IGSF11: variants seen among roughly 807,000 people sequenced by gnomAD.
IGSF11 encodes immunoglobulin superfamily member 11, also known as CXADR like 1.
IGSF11 carries 22 observed loss-of-function variants against 41.0 expected under a neutral mutation model. That is an observed-to-expected ratio of 0.54 (90% CI 0.38 to 0.77). IGSF11 has a LOEUF of 0.77. Among genes scored for constraint, IGSF11 ranks in the 30% least tolerant of loss-of-function variants. IGSF11 has a pLI of 0.00. For synonymous variants in IGSF11, 219 were observed against 201.3 expected (o/e 1.09, Z -0.74); for missense variants, 444 against 530.8 (o/e 0.84, Z 1.61).
chr3:119,098,202 C>T (rs79743523), intron 1 of IGSF11, among the ~76,000 whole-genome samples: 4,609 of 151,984 alleles, frequency 0.03, 217 homozygotes, highest in African/African-American at 0.11. Context: ...AATGCTGACT[C>T]CATCATTTAT....
intron 1 of IGSF11, among the ~76,000 whole-genome samples, chr3:118,994,265 C>A (rs1936061431): frequency 1.3e-5 from 2 of 152,164 alleles, no homozygotes; most frequent in African/African-American, 4.8e-5. Flanking sequence ...TTACCGAAGC[C>A]TAGCAGCACC....
At chr3:119,065,215 A>T (rs1371768172) in intron 1 of IGSF11, among the ~76,000 whole-genome samples, 1 of 152,194 alleles carries the variant, frequency 6.6e-6, no homozygotes, top group Non-Finnish European at 1.5e-5. Context: ...AAAAATCATT[A>T]ATGTGCACTA....
intron 1 of IGSF11, among the ~76,000 whole-genome samples, chr3:119,058,933 A>G (rs182149582): frequency 2.6e-5 from 4 of 151,174 alleles, no homozygotes; most frequent in Non-Finnish European, 5.9e-5. Flanking sequence ...ATGAGAACAC[A>G]TGGACACAGG....
At chr3:119,077,805 G>A (rs773272263) in intron 1 of IGSF11, among the ~76,000 whole-genome samples, 7 of 152,094 alleles carry the variant, frequency 4.6e-5, no homozygotes, top group Non-Finnish European at 1.0e-4. Flanking sequence ...AAAGGCTCCT[G>A]GATTTTATAA....
chr3:119,005,507 T>C (rs1248384003), intron 1 of IGSF11, among the ~76,000 whole-genome samples: 4 of 147,852 alleles, frequency 2.7e-5, no homozygotes, highest in African/African-American at 7.8e-5. Flanking sequence ...CCTGTCATTA[T>C]GATGTTAGCT....
At chr3:119,101,472 C>G (rs1330371473) in intron 1 of IGSF11, among the ~76,000 whole-genome samples, 2 of 152,084 alleles carry the variant, frequency 1.3e-5, no homozygotes, top group East Asian at 1.9e-4. Context: ...TCATCCCATC[C>G]CGCACTCCAG....
chr3:118,985,458 G>A (rs1237822952), intron 1 of IGSF11, among the ~76,000 whole-genome samples: 1 of 152,168 alleles, frequency 6.6e-6, no homozygotes, highest in Non-Finnish European at 1.5e-5. Context: ...ATGTTCAAAA[G>A]CTGTGTTTCT....
At chr3:119,012,458 T>C (rs16829250) in intron 1 of IGSF11, among the ~76,000 whole-genome samples, 1,617 of 152,352 alleles carry the variant, frequency 0.011, 33 homozygotes, top group East Asian at 0.061. Context: ...GTATACTGTT[T>C]AGTAAACTGA....
chr3:119,098,833 A>G (rs1021336981), intron 1 of IGSF11, among the ~76,000 whole-genome samples: 1 of 152,226 alleles, frequency 6.6e-6, no homozygotes, highest in Admixed American at 6.5e-5. Flanking sequence ...GAAAACGTAA[A>G]GCACACAAAG....
At chr3:119,089,322 A>G (rs961156561) in intron 1 of IGSF11, among the ~76,000 whole-genome samples, 1 of 152,186 alleles carries the variant, frequency 6.6e-6, no homozygotes, top group African/African-American at 2.4e-5. Flanking sequence ...ATCAAAAACA[A>G]AAACCATATG....
chr3:119,044,110 C>T lies in IGSF11; in HGVS notation c.49+61034G>A, dbSNP rs149309274. Among the ~76,000 whole-genome samples, 20 of 152,204 alleles carry T rather than the reference C, an allele frequency of 1.3e-4. No homozygotes were observed. In the East Asian group the frequency reaches 2.1e-3, roughly 16 times the overall value. On this transcript the variant is annotated intron_variant, in intron 1 of 6. Coordinates refer to the IGSF11 transcript ENST00000354673. ...TCAGAAGGTCGATTATTAAGCTACT[C>T]AAGGAGGCACAAGAGAAAGGTGAAA... is the stretch of plus-strand genomic sequence containing the variant.
At chr3:119,141,183 G>T (rs1314671510) in intron 1 of IGSF11, among the ~76,000 whole-genome samples, 1 of 150,654 alleles carries the variant, frequency 6.6e-6, no homozygotes, top group African/African-American at 2.4e-5. Context: ...GATTAAAGAA[G>T]AAATCACAAA....
chr3:119,049,009 G>A (rs1941497056), intron 1 of IGSF11, among the ~76,000 whole-genome samples: 1 of 151,656 alleles, frequency 6.6e-6, no homozygotes, highest in Non-Finnish European at 1.5e-5. Context: ...AAAATAATAA[G>A]AGCTATCTAT....
intron 1 of IGSF11, among the ~76,000 whole-genome samples, chr3:119,048,294 A>G (rs2107426274): frequency 6.6e-6 from 1 of 152,238 alleles, no homozygotes; most frequent in East Asian, 1.9e-4. Flanking sequence ...AAATAGACGC[A>G]ATAAAAAATG....
At chr3:118,944,457 TACACACACACACACACACAC>T (rs3079206) in intron 1 of IGSF11, among the ~76,000 whole-genome samples, 51 of 125,814 alleles carry the variant, frequency 4.1e-4, no homozygotes, top group South Asian at 2.1e-3. Context: ...TAGCTTGAAA[TACACACACACACACACACAC>T]ACACACACAC....
chr3:119,004,202 G>A (rs1240043648), intron 1 of IGSF11, among the ~76,000 whole-genome samples: 2 of 150,222 alleles, frequency 1.3e-5, no homozygotes, highest in East Asian at 2.0e-4. Context: ...GAGAGTGTAT[G>A]TGTCGAGGAA....
At chr3:118,950,948 C>T (rs1341584456) in intron 1 of IGSF11, among the ~76,000 whole-genome samples, 1 of 152,128 alleles carries the variant, frequency 6.6e-6, no homozygotes, top group Non-Finnish European at 1.5e-5. Flanking sequence ...TACAGGTCTG[C>T]TGGCTCTGGC....
intron 1 of IGSF11, among the ~76,000 whole-genome samples, chr3:119,140,620 C>A (rs62273506): frequency 8.7e-6 from 1 of 114,674 alleles, no homozygotes; most frequent in East Asian, 2.1e-4. Flanking sequence ...TCAACTAGAC[C>A]TAACAGACTT....
intron 1 of IGSF11, among the ~76,000 whole-genome samples, chr3:118,974,190 C>A (rs952841261): frequency 2.0e-5 from 3 of 151,934 alleles, no homozygotes; most frequent in Non-Finnish European, 4.4e-5. Flanking sequence ...GGTCTCTCTT[C>A]AGGTGACCTT....
Sources: allele counts gnomAD v4.1 joint callset (sites outside exome capture counted in the v4.1 genomes callset), GRCh38; gene constraint gnomAD v4.1.1; transcripts MANE v1.5; gene names NCBI Gene and HGNC (gene_info 2026-07-23, HGNC 2026-07-21).